PPFIA4: variants seen among roughly 807,000 people sequenced by gnomAD.
The protein encoded by PPFIA4 is liprin-alpha-4.
PPFIA4 carries 98 observed loss-of-function variants against 145.7 expected under a neutral mutation model. The observed-to-expected ratio is 0.67, with a 90% CI of 0.57 to 0.80. The LOEUF (loss-of-function observed/expected upper bound fraction) is 0.80. Among genes scored for constraint, PPFIA4 ranks in the 30% least tolerant of loss-of-function variants. The pLI is 0.00. For synonymous variants in PPFIA4, 628 were observed against 649.6 expected, an observed-to-expected ratio of 0.97 and a Z score of 0.51; for missense variants, 1,457 against 1,632.7, an observed-to-expected ratio of 0.89 and a Z score of 1.85.
At chr1:203,045,807 TG>T (rs1437884981) in intron 7 of PPFIA4, 33 bp from the exon 8 acceptor site, 3 of 1,612,466 alleles carry the variant, frequency 1.9e-6, no homozygotes, top group Admixed American at 1.7e-5. Flanking sequence ...AAGGAAAGGC[TG>T]GTTACCGTCC....
At chr1:203,059,111 AC>A (rs1384587232) in intron 19 of PPFIA4, 66 bp from the exon 20 acceptor site, 1 of 1,286,532 alleles carries the variant, frequency 7.8e-7, no homozygotes, top group East Asian at 2.5e-5. Flanking sequence ...TCTGTTCCCC[AC>A]CCCTGATCCA....
chr1:203,044,306 C>T, intron 4 of PPFIA4, 73 bp from the exon 5 acceptor site: 1 of 1,418,186 alleles, frequency 7.1e-7, no homozygotes, highest in Non-Finnish European at 9.7e-7. Context: ...GGTGGTAGAC[C>T]AAGCCCAGTC....
chr1:203,038,907 A>C lies in PPFIA4; in HGVS notation c.-102A>C. 1 of 650,126 alleles carries C rather than the reference A, an allele frequency of 1.5e-6. No individual in the cohort carries two copies. Among genetic ancestry groups the C allele is most frequent in the Non-Finnish European group, 2.7e-6 (1 of 369,138 alleles). 40.3% of individuals were successfully genotyped at this position (650,126 alleles called of 1,614,324 possible). A position where few individuals can be genotyped will look rare whatever the true frequency, so the allele number is the denominator to read the frequency against. ...CTGCCCACCTGTCCACTCGCCTGGC[A>C]CTGCCCACTCTGAGACCCATGCACT... On this transcript the variant is annotated 5_prime_UTR_variant, in exon 2 of 30. Coordinates refer to ENST00000295706, the MANE Select transcript of PPFIA4 (RefSeq NM_001304331.2).
Position 203,046,300 on chromosome 1 carries a change from A to G in PPFIA4, c.1058A>G (p.Lys353Arg). 3.8e-6 allele frequency: 6 copies of G among 1,596,456 alleles called. No homozygotes were observed. The highest frequency in any genetic ancestry group is 5.1e-6 in the Non-Finnish European group (6 of 1,172,294). Reference protein sequence around the residue: ...LQELLEVAEQKLQQTMRKAET... With the variant: ...LQELLEVAEQRLQQTMRKAET... ...GAGCTGCTGGAGGTGGCAGAGCAGA[A>G]GCTGCAGCAGACGATGCGCAAGGCA... Residue 353 changes from lysine (K) to arginine (R), a missense_variant, in exon 9 of 30, where the codon AAG (lysine) becomes AGG (arginine). Transcript: ENST00000295706.
At chr1:203,032,260 T>G (rs1658892342) in intron 1 of PPFIA4, among the ~76,000 whole-genome samples, 1 of 152,122 alleles carries the variant, frequency 6.6e-6, no homozygotes, top group Non-Finnish European at 1.5e-5. Context: ...CTCTTCACCC[T>G]CCTTTTGGCC....
Position 203,059,281 on chromosome 1 carries a change from A to G in PPFIA4, c.2501+10A>G. The G allele has an allele frequency of 1.3e-6, 2 of 1,495,228 alleles. No individual in the cohort carries two copies. The highest frequency in any genetic ancestry group is 1.8e-6 in the Non-Finnish European group (2 of 1,093,880). 92.6% of individuals were successfully genotyped at this position (1,495,228 alleles called of 1,614,324 possible). A position where few individuals can be genotyped will look rare whatever the true frequency, so the allele number is the denominator to read the frequency against. On this transcript the variant is annotated intron_variant, in intron 20 of 29. Coordinates refer to ENST00000295706, the MANE Select transcript of PPFIA4 (RefSeq NM_001304331.2). Reference sequence around the variant, plus strand: ...GGCGGCTAAAGAAGAAGTAAGAGCCACAGGCCAGGGTCTGCCAGGGTGGGG... The same window carrying G: ...GGCGGCTAAAGAAGAAGTAAGAGCCGCAGGCCAGGGTCTGCCAGGGTGGGG...
intron 19 of PPFIA4, among the ~76,000 whole-genome samples, chr1:203,058,783 C>T (rs1034524683): frequency 6.6e-6 from 1 of 152,152 alleles, no homozygotes; most frequent in Non-Finnish European, 1.5e-5. Context: ...TGGATTTCCA[C>T]ACCCCTGACC....
At position 203,043,925 on chromosome 1, in the gene PPFIA4, T is replaced by G; in HGVS notation, c.337-6T>G. ...CCCTCTCACCCTCCCCTGCTCTCCC[T>G]GCCAGCTGCTTCTGGAACATCTGGA... On this transcript the variant is annotated splice_polypyrimidine_tract_variant and splice_region_variant and intron_variant, in intron 3 of 29. Transcript: ENST00000295706. This position sits in a 1 kb window ranked among gnomAD's most constrained non-coding sequence, Gnocchi z 4.4. 1 of 1,594,758 alleles carries G rather than the reference T, an allele frequency of 6.3e-7. No individual in the cohort carries two copies. The highest frequency in any genetic ancestry group is 1.7e-4 in the Middle Eastern group (1 of 5,986).
chr1:203,050,411 C>G (rs1031854366), intron 13 of PPFIA4, among the ~76,000 whole-genome samples: 1 of 152,150 alleles, frequency 6.6e-6, no homozygotes, highest in East Asian at 1.9e-4. Context: ...CCTCAGTACC[C>G]AGGCCAGAGA....
chr1:203,064,344 G>A (rs2102680633), intron 25 of PPFIA4, among the ~76,000 whole-genome samples: 1 of 152,274 alleles, frequency 6.6e-6, no homozygotes, highest in East Asian at 1.9e-4. Context: ...TGAATTTGCT[G>A]TGTTTACCTG....
intron 12 of PPFIA4, 40 bp downstream of exon 12, chr1:203,049,020 C>T (rs764053888): frequency 4.2e-5 from 64 of 1,541,178 alleles, no homozygotes; most frequent in African/African-American, 5.5e-5. Context: ...CTGGGAGGGC[C>T]GGGTTGCAGG....
chr1:203,040,614 G>A (rs1330091238), intron 2 of PPFIA4, among the ~76,000 whole-genome samples: 3 of 152,190 alleles, frequency 2.0e-5, no homozygotes, highest in Admixed American at 6.5e-5. Context: ...CCATGTGACC[G>A]GAGAGAATGC....
chr1:203,035,237 A>G (rs1266842161), intron 1 of PPFIA4: 1 of 455,112 alleles, frequency 2.2e-6, no homozygotes, highest in African/African-American at 2.0e-5. Flanking sequence ...AGACGCTCCT[A>G]GCGGCCCTGC....
intron 1 of PPFIA4, among the ~76,000 whole-genome samples, chr1:203,036,518 T>C (rs1030568633): frequency 3.3e-5 from 5 of 152,158 alleles, no homozygotes; most frequent in African/African-American, 1.2e-4. Flanking sequence ...TAGTCTTCTC[T>C]TTTGGCCTCT....
rs138623226 is a variant in PPFIA4 at position 203,065,688 on chromosome 1, G to A, written c.3050+1685G>A. On this transcript the variant is annotated intron_variant, in intron 25 of 29. Transcript: ENST00000295706. ...TAACATTTCACAAGCATGTTCTTAC[G>A]TCTTTAAAATTTCTTTTAAATCATG... Among the ~76,000 whole-genome samples the A allele has an allele frequency of 9.1e-3, 1,386 of 152,284 alleles. 56 individuals carry two copies. The highest frequency in any genetic ancestry group is 0.065 in the Admixed American group (996 of 15,288).
chr1:203,032,426 C>CT (rs67178955), intron 1 of PPFIA4, among the ~76,000 whole-genome samples: 12 of 59,488 alleles, frequency 2.0e-4, no homozygotes, highest in Non-Finnish European at 2.6e-4. Context: ...CCCTTCCCCG[C>CT]TTTTTTGTTG....
intron 13 of PPFIA4, chr1:203,051,547 TG>T: frequency 1.2e-6 from 1 of 848,172 alleles, no homozygotes; most frequent in Non-Finnish European, 1.6e-6. Context: ...AACCGCTCTC[TG>T]GAACTTTCTC....
At chr1:203,071,865 C>A in intron 28 of PPFIA4, 105 bp downstream of exon 28, 1 of 1,001,928 alleles carries the variant, frequency 1.0e-6, no homozygotes. Context: ...GAAGGCTAGT[C>A]TATGGGAGGA....
intron 23 of PPFIA4, chr1:203,061,286 G>C: frequency 5.3e-6 from 3 of 569,854 alleles, no homozygotes; most frequent in Non-Finnish European, 9.3e-6. Context: ...GTGTGCTACA[G>C]CGGAGGAGAG....
Sources: gnomAD v4.1 joint callset for allele counts (sites outside exome capture counted in the v4.1 genomes callset) on GRCh38, gnomAD v4.1.1 for gene constraint, Gnocchi (gnomAD v3.1) non-coding constraint, MANE v1.5 for transcripts, NCBI Gene and HGNC (gene_info 2026-07-23, HGNC 2026-07-21) for gene names.